The following RBFOX1 variants were observed in gnomAD, a reference collection of about 807,000 sequenced individuals.
RBFOX1 encodes RNA binding protein fox-1 homolog 1.
RBFOX1 carries 8 observed loss-of-function variants against 57.7 expected under a neutral mutation model. The observed-to-expected ratio is 0.14, with a 90% CI of 0.08 to 0.25. The LOEUF (loss-of-function observed/expected upper bound fraction) is 0.25. Among genes scored for constraint, RBFOX1 ranks in the 10% least tolerant of loss-of-function variants. RBFOX1 has a pLI of 1.00. For synonymous variants in RBFOX1, 326 were observed against 222.4 expected (o/e 1.47, Z -4.15); for missense variants, 611 against 548.5 (o/e 1.11, Z -1.14).
At chr16:5,537,612 T>G (rs1339235949) in intron 2 of RBFOX1, among the ~76,000 whole-genome samples, 1 of 152,186 alleles carries the variant, frequency 6.6e-6, no homozygotes. Flanking sequence ...GGCTGTAAAC[T>G]GAAGGTTGTT....
At chr16:5,413,280 A>G (rs969131845) in intron 1 of RBFOX1, among the ~76,000 whole-genome samples, 44 of 152,300 alleles carry the variant, frequency 2.9e-4, no homozygotes, top group African/African-American at 9.1e-4. Context: ...CATCCACAGC[A>G]TTCTCCAGAG....
intron 3 of RBFOX1, among the ~76,000 whole-genome samples, chr16:6,706,009 C>G (rs779893066): frequency 7.2e-5 from 11 of 152,104 alleles, no homozygotes; most frequent in African/African-American, 1.9e-4. Flanking sequence ...AAGAGCAAGA[C>G]TCTGTCTTAA....
chr16:6,266,384 T>C (rs1439525408), intron 1 of RBFOX1, among the ~76,000 whole-genome samples: 1 of 152,138 alleles, frequency 6.6e-6, no homozygotes, highest in Non-Finnish European at 1.5e-5. Context: ...CTTCCAAGTC[T>C]CTAGCAGAAT....
At chr16:6,654,761 G>C in intron 3 of RBFOX1, 111 bp downstream of exon 3, 1 of 698,114 alleles carries the variant, frequency 1.4e-6, no homozygotes, top group East Asian at 3.1e-5. Flanking sequence ...GGTGATTCAC[G>C]GTCTATGACA....
chr16:6,655,875 G>A (rs970814868), intron 3 of RBFOX1, among the ~76,000 whole-genome samples: 12 of 152,104 alleles, frequency 7.9e-5, no homozygotes, highest in African/African-American at 2.9e-4. Flanking sequence ...TGATTAATAA[G>A]GTGGTGGAGG....
chr16:7,709,255 A>C, intron 15 of RBFOX1, 124 bp downstream of exon 15: 1 of 1,047,174 alleles, frequency 9.5e-7, no homozygotes, highest in Non-Finnish European at 1.4e-6. Context: ...TTGTGCTAAC[A>C]GCAGCTAAAA....
chr16:7,696,349 A>T (rs1023685824), intron 14 of RBFOX1, among the ~76,000 whole-genome samples: 1 of 152,154 alleles, frequency 6.6e-6, no homozygotes, highest in Non-Finnish European at 1.5e-5. Flanking sequence ...TAACATCAAG[A>T]ACCTTTGATG....
intron 1 of RBFOX1, among the ~76,000 whole-genome samples, chr16:5,321,549 T>C (rs2064407990): frequency 6.6e-6 from 1 of 152,168 alleles, no homozygotes; most frequent in African/African-American, 2.4e-5. Flanking sequence ...CTCGATCTCC[T>C]GACCTCGTGA....
At chr16:6,194,647 T>C (rs1219561000) in intron 1 of RBFOX1, among the ~76,000 whole-genome samples, 3 of 152,218 alleles carry the variant, frequency 2.0e-5, no homozygotes, top group Non-Finnish European at 4.4e-5. Context: ...CTCCAGGCAT[T>C]CTTTCCCTGA....
intron 15 of RBFOX1, chr16:7,709,906 C>T: frequency 9.4e-7 from 1 of 1,063,230 alleles, no homozygotes; most frequent in Non-Finnish European, 1.1e-6. Flanking sequence ...ATGCAGTTTT[C>T]TGCTTGGATC....
chr16:6,903,957 A>G (rs12929361), intron 3 of RBFOX1, among the ~76,000 whole-genome samples: 32,430 of 151,960 alleles, frequency 0.21, 3,656 homozygotes, highest in East Asian at 0.31. Context: ...TGGAGGTACA[A>G]ATCTGCAAAT....
intron 2 of RBFOX1, among the ~76,000 whole-genome samples, chr16:5,519,881 T>C (rs1300531043): frequency 1.3e-5 from 2 of 152,256 alleles, no homozygotes; most frequent in Non-Finnish European, 2.9e-5. Flanking sequence ...ATTCATTCAA[T>C]AATTCTTTAT....
At chr16:6,619,252 A>C (rs764563805) in intron 2 of RBFOX1, among the ~76,000 whole-genome samples, 1 of 151,972 alleles carries the variant, frequency 6.6e-6, no homozygotes, top group Non-Finnish European at 1.5e-5. Flanking sequence ...TGTTGTTGCC[A>C]AACAACTCTA....
At chr16:6,892,954 G>A (rs1327997313) in intron 3 of RBFOX1, among the ~76,000 whole-genome samples, 2 of 152,008 alleles carry the variant, frequency 1.3e-5, no homozygotes, top group African/African-American at 4.8e-5. Context: ...CTCCTGCTCT[G>A]CTTTTGCCTT....
intron 3 of RBFOX1, among the ~76,000 whole-genome samples, chr16:6,928,049 A>C (rs570232266): frequency 6.6e-6 from 1 of 152,116 alleles, no homozygotes; most frequent in East Asian, 1.9e-4. Context: ...AATTTCCCCA[A>C]CTTGGGTTGA....
intron 2 of RBFOX1, among the ~76,000 whole-genome samples, chr16:6,339,591 G>C (rs528776796): frequency 6.6e-6 from 1 of 152,108 alleles, no homozygotes; most frequent in Non-Finnish European, 1.5e-5. Context: ...AAACTGGTTG[G>C]CATCAGCTGT....
At chr16:6,807,992 T>C (rs1343808648) in intron 3 of RBFOX1, among the ~76,000 whole-genome samples, 1 of 150,566 alleles carries the variant, frequency 6.6e-6, no homozygotes, top group African/African-American at 2.4e-5. Flanking sequence ...TGTATATATA[T>C]ATGCATAGAA....
chr16:5,804,942 GT>G (rs1267336236), intron 3 of RBFOX1, among the ~76,000 whole-genome samples: 2 of 152,136 alleles, frequency 1.3e-5, no homozygotes, highest in Non-Finnish European at 2.9e-5. Flanking sequence ...TCTCTGACAG[GT>G]TTTTAATAGT....
chr16:7,352,099 C>G (rs1005925595), intron 4 of RBFOX1, among the ~76,000 whole-genome samples: 1 of 152,122 alleles, frequency 6.6e-6, no homozygotes, highest in African/African-American at 2.4e-5. Context: ...CGGGGTGTAT[C>G]ATTTCCACTT....
Sources: gnomAD v4.1 joint callset for allele counts (sites outside exome capture counted in the v4.1 genomes callset) on GRCh38, gnomAD v4.1.1 for gene constraint, MANE v1.5 for transcripts, NCBI Gene and HGNC (gene_info 2026-07-23, HGNC 2026-07-21) for gene names.